The following WDR64 variants were observed in gnomAD, a reference collection of about 807,000 sequenced individuals.
The protein encoded by WDR64 is WD repeat domain 64.
In WDR64, 112 loss-of-function variants were observed where a neutral mutation model predicts 139.3. That is an observed-to-expected ratio of 0.80 (90% confidence interval 0.69 to 0.94). The LOEUF (loss-of-function observed/expected upper bound fraction) is 0.94, where lower values mean the gene tolerates loss of function less well. Ranked by LOEUF, WDR64 falls within the 40% of genes least tolerant of loss-of-function variation. The probability of loss-of-function intolerance (pLI) is 0.00; values close to 1 mark genes in which losing one functional copy is unlikely to be tolerated. For missense variants in WDR64, 1,206 were observed against 1,293.1 expected (o/e 0.93, Z 1.03); for synonymous variants, 444 against 437.7 (o/e 1.01, Z -0.18).
chr1:241,760,536 A>G (rs532060403), intron 15 of WDR64, among the ~76,000 whole-genome samples: 155 of 151,054 alleles, frequency 1.0e-3, no homozygotes, highest in Admixed American at 2.4e-3. Flanking sequence ...TAATATCCAT[A>G]ATATATCTTC....
At chr1:241,725,539 C>T (rs1430925330) in intron 10 of WDR64, among the ~76,000 whole-genome samples, 1 of 152,030 alleles carries the variant, frequency 6.6e-6, no homozygotes, top group African/African-American at 2.4e-5. Context: ...CGGAACTATG[C>T]GAATCTCCCT....
intron 8 of WDR64, among the ~76,000 whole-genome samples, chr1:241,700,997 C>A (rs767269466): frequency 2.0e-5 from 3 of 152,104 alleles, no homozygotes; most frequent in African/African-American, 4.8e-5. Context: ...TATGATGATG[C>A]CAACATTCCC....
At chr1:241,653,543 C>CTTTT (rs33934176) in intron 1 of WDR64, among the ~76,000 whole-genome samples, 3 of 137,116 alleles carry the variant, frequency 2.2e-5, no homozygotes, top group Admixed American at 1.5e-4. Flanking sequence ...CTTTTCTTTT[C>CTTTT]TTTTTTTTTT....
chr1:241,677,475 G>GT (rs1666601323), intron 4 of WDR64: 1 of 398,550 alleles, frequency 2.5e-6, no homozygotes, highest in Non-Finnish European at 4.4e-6. Flanking sequence ...CTGGGCCGCT[G>GT]TTTCCTAGAT....
In WDR64 at chr1:241,723,231, G is replaced by A. The variant is rs902477024; in HGVS notation, c.1055-66G>A. The A allele has an allele frequency of 6.3e-6, 10 of 1,581,666 alleles. No individual in the cohort carries two copies. The African/African-American group carries it at 9.5e-5, about 15-fold the overall frequency. The stretch of plus-strand genomic sequence containing the variant: ...AAGAAAGATACGGGTATGATACAGT[G>A]AGAGATACATTTGAAACTCTGACCA... On this transcript the variant is annotated intron_variant, in intron 9 of 27. Coordinates refer to ENST00000437684, the MANE Select transcript of WDR64 (RefSeq NM_001367482.1).
intron 2 of WDR64, among the ~76,000 whole-genome samples, chr1:241,669,195 G>A (rs76276887): frequency 1.3e-5 from 2 of 152,278 alleles, no homozygotes; most frequent in East Asian, 3.9e-4. Context: ...GACTTCAGAA[G>A]GTGAAGGTAT....
At chr1:241,688,658 C>T (rs1427358598) in intron 8 of WDR64, among the ~76,000 whole-genome samples, 1 of 152,126 alleles carries the variant, frequency 6.6e-6, no homozygotes, top group African/African-American at 2.4e-5. Context: ...ATTGGAGAGA[C>T]AGAGGGGCAA....
chr1:241,753,299 G>A (rs1365902936), intron 14 of WDR64, among the ~76,000 whole-genome samples: 2 of 152,194 alleles, frequency 1.3e-5, no homozygotes, highest in Non-Finnish European at 2.9e-5. Context: ...AACATAGAAA[G>A]AGTCCTGTTC....
intron 20 of WDR64, among the ~76,000 whole-genome samples, chr1:241,774,555 T>A (rs572673469): frequency 6.6e-6 from 1 of 152,226 alleles, no homozygotes; most frequent in Non-Finnish European, 1.5e-5. Flanking sequence ...TGGCTTATAC[T>A]GAGCGCTGAA....
At chr1:241,731,344 TA>T (rs11462817) in intron 10 of WDR64, among the ~76,000 whole-genome samples, 2,740 of 145,194 alleles carry the variant, frequency 0.019, 54 homozygotes, top group African/African-American at 0.048. Context: ...CCTCGTCTCT[TA>T]AAAAAAAAAA....
chr1:241,752,949 G>A (rs1670034440), intron 14 of WDR64, among the ~76,000 whole-genome samples: 1 of 152,148 alleles, frequency 6.6e-6, no homozygotes, highest in South Asian at 2.1e-4. Context: ...TCAATATCTG[G>A]TCACTCTTGA....
chr1:241,681,881 G>A (rs567715007), intron 6 of WDR64, among the ~76,000 whole-genome samples: 7 of 151,934 alleles, frequency 4.6e-5, no homozygotes, highest in Admixed American at 3.3e-4. Flanking sequence ...TTAATTTGAC[G>A]CTGATCATTT....
In WDR64 at chr1:241,754,193, T is replaced by C. The variant is rs576967561; in HGVS notation, c.1771-3090T>C. 7.2e-5 allele frequency among the ~76,000 whole-genome samples: 11 copies of C among 152,242 alleles called. No homozygotes were observed. The South Asian group carries it at 2.3e-3, about 32-fold the overall frequency. On this transcript the variant is annotated intron_variant, in intron 14 of 27. Transcript: ENST00000437684. ...TTAACTAATATGTTTAAAAATTAGT[T>C]TTATTGTTTTTTAAATTTTTTTAAT...
rs1553359776 is a variant in WDR64 at position 241,656,870 on chromosome 1, T to TTGTGTGTGTGTGTA, written c.146-3647_146-3646insATGTGTGTGTGTGT. On this transcript the variant is annotated intron_variant, in intron 1 of 27. Transcript: ENST00000437684. The surrounding 1 kb of genome is among the most constrained non-coding windows in gnomAD (Gnocchi z 4.3). ...AAATGTCTCAAGTCTTTGCCAAATG[T>TTGTGTGTGTGTGTA]TGTGTGTGTGTGTGTGTGTGTGTGT... Among the ~76,000 whole-genome samples, 35 of 86,720 alleles carry TTGTGTGTGTGTGTA rather than the reference T, an allele frequency of 4.0e-4. No homozygotes were observed. Among genetic ancestry groups the TTGTGTGTGTGTGTA allele is most frequent in the Admixed American group, 1.5e-3 (12 of 8,048 alleles). The allele number at this position is 86,720 out of a possible 152,430, so 56.9% of individuals were successfully genotyped here.
At position 241,799,854 on chromosome 1, in the gene WDR64, C is replaced by CATA. The variant is rs1278126632; in HGVS notation, c.3193-1277_3193-1275dup. On this transcript the variant is annotated intron_variant, in intron 27 of 27. Transcript: ENST00000437684. ...GTCTCCTCACTGATGTAATTTTTTT[C>CATA]ATAGCTCTGATCACTACATGACATT... is the stretch of plus-strand genomic sequence containing the variant. 3.9e-5 allele frequency among the ~76,000 whole-genome samples: 6 copies of CATA among 152,252 alleles called. No homozygotes were observed. The South Asian group carries it at 1.2e-3, about 32-fold the overall frequency.
At chr1:241,799,294 T>C (rs1466760106) in intron 27 of WDR64, among the ~76,000 whole-genome samples, 1 of 149,754 alleles carries the variant, frequency 6.7e-6, no homozygotes, top group Non-Finnish European at 1.5e-5. Context: ...GGAGGATCGC[T>C]TGAGCCTGGA....
intron 8 of WDR64, 84 bp from the exon 9 acceptor site, chr1:241,711,718 C>T (rs949621162): frequency 7.3e-7 from 1 of 1,370,846 alleles, no homozygotes; most frequent in African/African-American, 1.4e-5. Context: ...AGAAATGAGC[C>T]TATCAAACAT....
chr1:241,734,918 C>A (rs1321259801), intron 10 of WDR64, among the ~76,000 whole-genome samples: 12 of 152,138 alleles, frequency 7.9e-5, no homozygotes, highest in Non-Finnish European at 1.3e-4. Flanking sequence ...ATGACAAAAT[C>A]ACCTAAGGAC....
chr1:241,711,705 C>T (rs918179855), intron 8 of WDR64, 97 bp from the exon 9 acceptor site: 1 of 1,282,518 alleles, frequency 7.8e-7, no homozygotes, highest in Non-Finnish European at 1.1e-6. Context: ...TTACAACCAA[C>T]TTAGAAATGA....
Sources: gnomAD v4.1 joint callset for allele counts (sites outside exome capture counted in the v4.1 genomes callset) on GRCh38, gnomAD v4.1.1 for gene constraint, Gnocchi (gnomAD v3.1) non-coding constraint, MANE v1.5 for transcripts, NCBI Gene and HGNC (gene_info 2026-07-23, HGNC 2026-07-21) for gene names.